The following GNAQ variants were observed in gnomAD, a reference collection of about 807,000 sequenced individuals.
GNAQ encodes the protein guanine nucleotide-binding protein G(q) subunit alpha.
In GNAQ, 8 loss-of-function variants were observed where a neutral mutation model predicts 43.9. That is an observed-to-expected ratio of 0.18 (90% CI 0.11 to 0.33). GNAQ has a LOEUF of 0.33. GNAQ is among the 10% of genes least tolerant of loss of function. The pLI is 1.00. For synonymous variants in GNAQ, 155 were observed against 170.7 expected, an observed-to-expected ratio of 0.91 and a Z score of 0.71; for missense variants, 158 against 450.8, an observed-to-expected ratio of 0.35 and a Z score of 5.88.
intron 5 of GNAQ, among the ~76,000 whole-genome samples, chr9:77,790,733 G>A (rs1826555121): frequency 6.6e-6 from 1 of 152,190 alleles, no homozygotes; most frequent in African/African-American, 2.4e-5. Context: ...AAGACACTAT[G>A]AGGGAAGGGA....
chr9:77,878,226 T>G (rs1828156468), intron 2 of GNAQ, among the ~76,000 whole-genome samples: 1 of 109,752 alleles, frequency 9.1e-6, no homozygotes, highest in African/African-American at 4.8e-5. Context: ...GTATTTGGTG[T>G]TTTTTTTTTT....
At chr9:77,832,650 T>C (rs1372628264) in intron 2 of GNAQ, among the ~76,000 whole-genome samples, 3 of 152,376 alleles carry the variant, frequency 2.0e-5, no homozygotes, top group East Asian at 1.9e-4. Context: ...GTTAACTGAA[T>C]GCATATTTCC....
rs185734369 is a variant in GNAQ, at chr9:77,721,551, A to C, written c.890-38T>G. 1,434 of 1,202,902 alleles carry C rather than the reference A, an allele frequency of 1.2e-3. 5 individuals carry two copies. The highest frequency in any genetic ancestry group is 4.4e-4 in the Non-Finnish European group (358 of 820,098). 74.5% of individuals were successfully genotyped at this position (1,202,902 alleles called of 1,614,324 possible). On this transcript the variant is annotated intron_variant, in intron 6 of 6. Coordinates refer to ENST00000286548, the MANE Select transcript of GNAQ (RefSeq NM_002072.5). Reference sequence around the variant, plus strand: ...AGACAAGAGGGACACTTTGTTACCTAATCTGCTAATGTATTCAATCATCAT... The same window carrying C: ...AGACAAGAGGGACACTTTGTTACCTCATCTGCTAATGTATTCAATCATCAT...
intron 6 of GNAQ, among the ~76,000 whole-genome samples, chr9:77,724,909 A>C (rs554670205): frequency 2.0e-5 from 3 of 151,916 alleles, no homozygotes; most frequent in South Asian, 2.1e-4. Flanking sequence ...CATCTTTTTC[A>C]ATGTACTATT....
chr9:77,766,995 C>G (rs1449960141), intron 5 of GNAQ, among the ~76,000 whole-genome samples: 2 of 152,044 alleles, frequency 1.3e-5, no homozygotes, highest in Non-Finnish European at 2.9e-5. Flanking sequence ...CTCTATAAAA[C>G]CTACATTTGG....
At chr9:77,808,576 T>G (rs1018644151) in intron 3 of GNAQ, among the ~76,000 whole-genome samples, 2 of 152,078 alleles carry the variant, frequency 1.3e-5, no homozygotes, top group African/African-American at 4.8e-5. Flanking sequence ...ATTTCTCTGT[T>G]CATTACATTT....
At chr9:77,915,954 A>G (rs1828895762) in intron 2 of GNAQ, among the ~76,000 whole-genome samples, 1 of 152,172 alleles carries the variant, frequency 6.6e-6, no homozygotes, top group African/African-American at 2.4e-5. Context: ...GGGGCTGTCA[A>G]TCATATTGTT....
intron 1 of GNAQ, among the ~76,000 whole-genome samples, chr9:78,001,793 G>T (rs1394701026): frequency 6.6e-6 from 1 of 152,060 alleles, no homozygotes; most frequent in African/African-American, 2.4e-5. Context: ...TGTGTTTCAA[G>T]GCCTTAAATT....
At chr9:78,014,715 T>C (rs915021415) in intron 1 of GNAQ, among the ~76,000 whole-genome samples, 1 of 152,160 alleles carries the variant, frequency 6.6e-6, no homozygotes, top group African/African-American at 2.4e-5. Flanking sequence ...TTAATAACGA[T>C]GCTGAGTTCA....
chr9:77,820,660 T>A (rs571725713), intron 2 of GNAQ, among the ~76,000 whole-genome samples: 2 of 152,336 alleles, frequency 1.3e-5, no homozygotes, highest in South Asian at 2.1e-4. Context: ...AGCTTCCATG[T>A]CCTTCTTAAA....
chr9:77,961,578 A>T (rs554158292), intron 1 of GNAQ, among the ~76,000 whole-genome samples: 1 of 152,304 alleles, frequency 6.6e-6, no homozygotes, highest in East Asian at 1.9e-4. Flanking sequence ...CACCACAAAG[A>T]AGGAATCAGT....
chr9:77,990,274 G>A (rs1823492392), intron 1 of GNAQ, among the ~76,000 whole-genome samples: 1 of 152,094 alleles, frequency 6.6e-6, no homozygotes, highest in South Asian at 2.1e-4. Context: ...TGTTGCCCAG[G>A]CTGGAGTGCA....
chr9:77,897,243 TTTTC>T (rs776824304), intron 2 of GNAQ, among the ~76,000 whole-genome samples: 246 of 152,378 alleles, frequency 1.6e-3, no homozygotes, highest in Middle Eastern at 3.4e-3. Flanking sequence ...GCTCAGCTTA[TTTTC>T]TTTGTCAGGG....
At chr9:77,770,878 G>A (rs1401970739) in intron 5 of GNAQ, among the ~76,000 whole-genome samples, 1 of 151,852 alleles carries the variant, frequency 6.6e-6, no homozygotes, top group Non-Finnish European at 1.5e-5. Context: ...AGATAACACT[G>A]CTTAAGATTT....
chr9:77,825,906 G>T (rs1458881370), intron 2 of GNAQ, among the ~76,000 whole-genome samples: 1 of 152,156 alleles, frequency 6.6e-6, no homozygotes, highest in Non-Finnish European at 1.5e-5. Context: ...GCCTAAATGT[G>T]AGATAACAGT....
At chr9:77,862,339 C>T (rs908895264) in intron 2 of GNAQ, among the ~76,000 whole-genome samples, 2 of 152,174 alleles carry the variant, frequency 1.3e-5, no homozygotes, top group African/African-American at 4.8e-5. Flanking sequence ...CACCCTGCAG[C>T]AAATTTCTGC....
intron 5 of GNAQ, among the ~76,000 whole-genome samples, chr9:77,761,106 G>A (rs1296091718): frequency 3.3e-5 from 5 of 151,992 alleles, no homozygotes; most frequent in Admixed American, 3.3e-4. Context: ...GCCCTGTCCA[G>A]GAGGGAGGTG....
chr9:77,724,207 T>C (rs1465361808), intron 6 of GNAQ, among the ~76,000 whole-genome samples: 1 of 152,116 alleles, frequency 6.6e-6, no homozygotes, highest in Non-Finnish European at 1.5e-5. Context: ...TTTTTTTTCC[T>C]TGAGACAGAG....
At chr9:77,975,471 T>A (rs1214830350) in intron 1 of GNAQ, among the ~76,000 whole-genome samples, 2 of 151,910 alleles carry the variant, frequency 1.3e-5, no homozygotes, top group East Asian at 3.8e-4. Flanking sequence ...ATAGGGCAAC[T>A]TACCCAAGGT....
Sources: gnomAD v4.1 joint callset for allele counts (sites outside exome capture counted in the v4.1 genomes callset) on GRCh38, gnomAD v4.1.1 for gene constraint, MANE v1.5 for transcripts, NCBI Gene and HGNC (gene_info 2026-07-23, HGNC 2026-07-21) for gene names.